Variants in TOMM40L observed in about 807,000 individuals in gnomAD.
TOMM40L encodes the protein mitochondrial import receptor subunit TOM40B.
TOMM40L carries 17 observed loss-of-function variants against 38.3 expected under a neutral mutation model. The observed-to-expected ratio is 0.44, with a 90% CI of 0.30 to 0.67. TOMM40L has a LOEUF of 0.67. TOMM40L is among the 30% of genes least tolerant of loss of function. The pLI, the probability that TOMM40L is intolerant of heterozygous loss-of-function variation, is 0.08. For missense variants in TOMM40L, 294 were observed against 390.0 expected (o/e 0.75, Z 2.07); for synonymous variants, 151 against 150.2 (o/e 1.01, Z -0.04).
chr1:161,227,477 A>G, intron 4 of TOMM40L, 127 bp downstream of exon 4: 2 of 1,081,958 alleles, frequency 1.8e-6, no homozygotes, highest in Non-Finnish European at 2.8e-6. Context: ...TCTTTTCTGA[A>G]TGAGAGAGGG....
intron 5 of TOMM40L, 46 bp from the exon 6 acceptor site, chr1:161,227,838 A>C: frequency 6.2e-7 from 1 of 1,608,752 alleles, no homozygotes; most frequent in Non-Finnish European, 8.5e-7. Flanking sequence ...GTCTATAATG[A>C]TCATAAAGAG....
In TOMM40L at chr1:161,230,542, C is replaced by T; in HGVS notation, c.*1447C>T. 4 of 568,206 alleles carry T rather than the reference C, an allele frequency of 7.0e-6. No homozygotes were observed. The highest frequency in any genetic ancestry group is 9.3e-6 in the Non-Finnish European group (3 of 322,598). 35.2% of individuals were successfully genotyped at this position (568,206 alleles called of 1,614,324 possible). A position where few individuals can be genotyped will look rare whatever the true frequency, so the allele number is the denominator to read the frequency against. On this transcript the variant is annotated 3_prime_UTR_variant, in exon 10 of 10. Transcript: ENST00000367988. ...ATGGATGTCATCAATCTCAGGAATG[C>T]TATTACCCAGAGCCTCTGAGCTACT... is the stretch of plus-strand genomic sequence containing the variant.
At chr1:161,228,691 C>T (rs1409386105) in intron 8 of TOMM40L, 24 bp from the exon 9 acceptor site, 7 of 1,613,290 alleles carry the variant, frequency 4.3e-6, no homozygotes, top group Non-Finnish European at 5.9e-6. Flanking sequence ...TGATCTCTCT[C>T]TCATCCTTGC....
chr1:161,230,633 T>A lies in TOMM40L; in HGVS notation c.*1538T>A, dbSNP rs1571676072. 1.3e-6 allele frequency: 1 copy of A among 776,792 alleles called. No individual in the cohort carries two copies. The highest frequency in any genetic ancestry group is 2.7e-5 in the East Asian group (1 of 37,320). 48.1% of individuals were successfully genotyped at this position (776,792 alleles called of 1,614,324 possible). A position where few individuals can be genotyped will look rare whatever the true frequency, so the allele number is the denominator to read the frequency against. The stretch of plus-strand genomic sequence containing the variant: ...GTGAGATGAAACAGCAGTATCCAAA[T>A]ACAGCAATTTGGATGCTGAAACGAT... On this transcript the variant is annotated 3_prime_UTR_variant, in exon 10 of 10. Coordinates refer to ENST00000367988, the MANE Select transcript of TOMM40L (RefSeq NM_032174.6).
At position 161,226,404 on chromosome 1, in the gene TOMM40L, TG is replaced by T; in HGVS notation, c.-80del. 8 of 1,163,200 alleles carry T rather than the reference TG, an allele frequency of 6.9e-6. No individual in the cohort carries two copies. Among genetic ancestry groups the T allele is most frequent in the Non-Finnish European group, 8.4e-6 (7 of 837,732 alleles). 72.1% of individuals were successfully genotyped at this position (1,163,200 alleles called of 1,614,324 possible). A position where few individuals can be genotyped will look rare whatever the true frequency, so the allele number is the denominator to read the frequency against. On this transcript the variant is annotated 5_prime_UTR_variant, in exon 2 of 10. The change creates a premature stop within an existing upstream ORF in the 5' untranslated region. Transcript: ENST00000367988. ...TTTCTGAGGCTGGGGAGCCGGATAATGGGGGGTGGGGCCCGTTGGGGGGTAA... is the reference window on the plus strand; with the variant it reads ...TTTCTGAGGCTGGGGAGCCGGATAATGGGGGTGGGGCCCGTTGGGGGGTAA...
chr1:161,226,816 A>G (rs1666376148), intron 2 of TOMM40L, 72 bp from the exon 3 acceptor site: 3 of 1,549,660 alleles, frequency 1.9e-6, no homozygotes, highest in Non-Finnish European at 2.7e-6. Flanking sequence ...ATGGGATTGA[A>G]AGGGGAGACT....
At chr1:161,226,178 G>A (rs770442134) in intron 1 of TOMM40L, 42 bp downstream of exon 1, 4 of 291,988 alleles carry the variant, frequency 1.4e-5, no homozygotes, top group Non-Finnish European at 2.6e-5. Context: ...CTTGGGGCCT[G>A]GGAATGAAGA....
At position 161,230,057 on chromosome 1, in the gene TOMM40L, C is replaced by A; in HGVS notation, c.*962C>A. ...GGTCTGAACATTAGAGAAAATCATGCTCTGGTATGACAGACTATCAGAGGT... is the reference window on the plus strand; with the variant it reads ...GGTCTGAACATTAGAGAAAATCATGATCTGGTATGACAGACTATCAGAGGT... On this transcript the variant is annotated 3_prime_UTR_variant, in exon 10 of 10. Coordinates refer to ENST00000367988, the MANE Select transcript of TOMM40L (RefSeq NM_032174.6). The A allele has an allele frequency of 8.9e-7, 1 of 1,123,956 alleles. No homozygotes were observed. The highest frequency in any genetic ancestry group is 1.3e-6 in the Non-Finnish European group (1 of 785,274). The allele number at this position is 1,123,956 out of a possible 1,614,324, so 69.6% of individuals were successfully genotyped here.
In TOMM40L at chr1:161,226,903, A is replaced by T. The variant is rs1403941017; in HGVS notation, c.131A>T (p.Gln44Leu). 1 of 1,614,158 alleles carries T rather than the reference A, an allele frequency of 6.2e-7. No homozygotes were observed. Among genetic ancestry groups the T allele is most frequent in the African/African-American group, 1.3e-5 (1 of 75,046 alleles). ...HRLCKDVFPA[Q>L]MEGVKLVVNK... ...CCCCCTTCAGATGTATTCCCAGCACAGATGGAGGGAGTGAAGCTCGTTGTC... is the reference window on the plus strand; with the variant it reads ...CCCCCTTCAGATGTATTCCCAGCACTGATGGAGGGAGTGAAGCTCGTTGTC... The change falls in exon 3 of 10, where the codon CAG becomes CTG. Residue 44 changes from glutamine to leucine, a missense_variant. Coordinates refer to ENST00000367988, the MANE Select transcript of TOMM40L (RefSeq NM_032174.6).
rs1216925622 is a variant in TOMM40L, at chr1:161,229,394, T to G, written c.*299T>G. ...ATGGCTGAATTCCCCCGGCACCCCT[T>G]GCCCTCAGGCTTCCTTCTTCCTTTC... On this transcript the variant is annotated 3_prime_UTR_variant, in exon 10 of 10. Transcript: ENST00000367988. The G allele has an allele frequency of 6.5e-6, 4 of 613,014 alleles. No homozygotes were observed. The East Asian group carries it at 1.1e-4, about 17-fold the overall frequency. 38.0% of individuals were successfully genotyped at this position (613,014 alleles called of 1,614,324 possible).
Position 161,228,769 on chromosome 1 carries a change from T to C in TOMM40L, c.739T>C (p.Ser247Pro). Reference protein sequence around the residue: ...ANTRLQDTTFSFGYHLTLPQA... With the variant: ...ANTRLQDTTFPFGYHLTLPQA... ...CACAAGGCTACAAGACACAACATTC[T>C]CCTTTGGTTACCACCTGACTCTGCC... Residue 247 changes from serine to proline, a missense_variant, in exon 9 of 10, where the codon TCC becomes CCC. Physicochemically the swap from Ser to Pro is moderately conservative, Grantham distance 74. Transcript: ENST00000367988. The C allele has an allele frequency of 1.2e-6, 2 of 1,614,124 alleles. No homozygotes were observed. The highest frequency in any genetic ancestry group is 1.7e-6 in the Non-Finnish European group (2 of 1,180,022).
rs549418172 is a variant in TOMM40L, at chr1:161,229,486, G to A, written c.*391G>A. On this transcript the variant is annotated 3_prime_UTR_variant, in exon 10 of 10. Transcript: ENST00000367988. ...TTCCATCCCAGAGCCTCCCAAGGCT[G>A]GGAAAGTAGGGCTGAAGGGCTAGAT... 2.7e-5 allele frequency: 20 copies of A among 751,800 alleles called. No homozygotes were observed. The Admixed American group carries it at 3.7e-4, about 14-fold the overall frequency. 46.6% of individuals were successfully genotyped at this position (751,800 alleles called of 1,614,324 possible).
chr1:161,227,764 C>T (rs370055312), intron 5 of TOMM40L, 27 bp downstream of exon 5: 2 of 1,600,818 alleles, frequency 1.2e-6, no homozygotes, highest in Non-Finnish European at 1.7e-6. Flanking sequence ...CCTCCATCCC[C>T]TGAGGCACTT....
chr1:161,227,088 C>T (rs777221508), intron 3 of TOMM40L, 133 bp downstream of exon 3: 8 of 1,233,632 alleles, frequency 6.5e-6, no homozygotes, highest in Non-Finnish European at 9.3e-6. Context: ...GTTCTCTTTA[C>T]CTCCGTGCCT....
chr1:161,228,577 G>A (rs181535066), intron 8 of TOMM40L, 73 bp downstream of exon 8: 10 of 1,582,872 alleles, frequency 6.3e-6, no homozygotes, highest in East Asian at 2.2e-5. Flanking sequence ...GACCTCTATC[G>A]CCCTGCTGAC....
chr1:161,226,325 T>C (rs1571641307), intron 1 of TOMM40L, 30 bp from the exon 2 acceptor site: 2 of 614,934 alleles, frequency 3.3e-6, no homozygotes, highest in East Asian at 5.6e-5. Context: ...TCTCCATGAG[T>C]GCTCTCCTTC....
chr1:161,229,219 G>T lies in TOMM40L; in HGVS notation c.*124G>T, dbSNP rs1264683696. The T allele has an allele frequency of 7.1e-7, 1 of 1,416,106 alleles. No homozygotes were observed. Among genetic ancestry groups the T allele is most frequent in the Non-Finnish European group, 9.7e-7 (1 of 1,034,574 alleles). 87.7% of individuals were successfully genotyped at this position (1,416,106 alleles called of 1,614,324 possible). A position where few individuals can be genotyped will look rare whatever the true frequency, so the allele number is the denominator to read the frequency against. On this transcript the variant is annotated 3_prime_UTR_variant, in exon 10 of 10. Transcript: ENST00000367988. ...ATCTCTAGGACCCAGGAGCAGAGTG[G>T]TGGACAGGACCATGCCCTCCTCAGA...
Position 161,227,259 on chromosome 1 carries a change from T to G in TOMM40L, c.185T>G (p.Val62Gly), listed in dbSNP as rs760945267. 6.2e-7 allele frequency: 1 copy of G among 1,614,032 alleles called. No individual in the cohort carries two copies. Among genetic ancestry groups the G allele is most frequent in the Admixed American group, 1.7e-5 (1 of 60,016 alleles). ...TCCACTGAATCCTCTTTTCCTCAGG[T>G]GGCGCACACTATACACATGAGTGCC... is the stretch of plus-strand genomic sequence containing the variant. ...VNKVLSSHFQ[V>G]AHTIHMSALG... is the part of the protein sequence containing the mutation. The change falls in exon 4 of 10, where the codon GTG (valine) becomes GGG (glycine). Residue 62 changes from valine to glycine, a missense_variant and splice_region_variant. Physicochemically the swap from Val to Gly is moderately radical, Grantham distance 109. Coordinates refer to ENST00000367988, the MANE Select transcript of TOMM40L (RefSeq NM_032174.6).
chr1:161,229,519 C>G lies in TOMM40L; in HGVS notation c.*424C>G. The G allele has an allele frequency of 2.0e-6, 2 of 991,644 alleles. No homozygotes were observed. Among genetic ancestry groups the G allele is most frequent in the Non-Finnish European group, 3.0e-6 (2 of 675,998 alleles). The allele number at this position is 991,644 out of a possible 1,614,324, so 61.4% of individuals were successfully genotyped here. A position where few individuals can be genotyped will look rare whatever the true frequency, so the allele number is the denominator to read the frequency against. On this transcript the variant is annotated 3_prime_UTR_variant, in exon 10 of 10. Transcript: ENST00000367988. ...AGGGCTGAAGGGCTAGATGTTTGGT[C>G]TCAGGAAGTGGGGCCCACCCATTCC... is the stretch of plus-strand genomic sequence containing the variant.
Sources: gnomAD v4.1 joint callset for allele counts on GRCh38, gnomAD v4.1.1 for gene constraint, MANE v1.5 for transcripts, NCBI Gene and HGNC (gene_info 2026-07-23, HGNC 2026-07-21) for gene names.